The following RALGPS2 variants were observed in gnomAD, a reference collection of about 807,000 sequenced individuals.
The protein encoded by RALGPS2 is ras-specific guanine nucleotide-releasing factor RalGPS2.
Under a neutral mutation model 86.8 loss-of-function variants are expected in RALGPS2, and 43 were observed. The ratio of observed to expected loss-of-function variants is 0.50; its 90% CI spans 0.39 to 0.64. The LOEUF is 0.64. Among genes scored for constraint, RALGPS2 ranks in the 30% least tolerant of loss-of-function variants. The pLI, the probability that RALGPS2 is intolerant of heterozygous loss-of-function variation, is 0.00. For synonymous variants in RALGPS2, 243 were observed against 231.3 expected, an observed-to-expected ratio of 1.05 and a Z score of -0.46; for missense variants, 536 against 694.6, an observed-to-expected ratio of 0.77 and a Z score of 2.57.
At chr1:178,835,166 T>C (rs1558141011) in intron 8 of RALGPS2, among the ~76,000 whole-genome samples, 2 of 152,196 alleles carry the variant, frequency 1.3e-5, no homozygotes, top group African/African-American at 4.8e-5. Flanking sequence ...TTTTCAAAAA[T>C]AATACCTTCA....
At chr1:178,895,186 A>T (rs1306326290) in intron 16 of RALGPS2, among the ~76,000 whole-genome samples, 1 of 152,036 alleles carries the variant, frequency 6.6e-6, no homozygotes, top group Non-Finnish European at 1.5e-5. Flanking sequence ...TCCCTTTCTC[A>T]AATTTGAAAT....
At chr1:178,874,351 A>G (rs7554820) in intron 8 of RALGPS2, among the ~76,000 whole-genome samples, 7,963 of 152,298 alleles carry the variant, frequency 0.052, 726 homozygotes, top group African/African-American at 0.18. Context: ...AATCTTGTCT[A>G]TTTTATATTC....
chr1:178,770,276 G>A (rs373427236), intron 1 of RALGPS2, among the ~76,000 whole-genome samples: 3 of 151,224 alleles, frequency 2.0e-5, no homozygotes, highest in East Asian at 2.0e-4. Flanking sequence ...CACCCACCTC[G>A]GCCTCCCCAA....
Position 178,862,729 on chromosome 1 carries a change from G to A in RALGPS2, c.608-14769G>A, listed in dbSNP as rs148581398. 1.4e-3 allele frequency among the ~76,000 whole-genome samples: 220 copies of A among 152,066 alleles called. 2 individuals carry two copies. The East Asian group carries it at 0.027, about 19-fold the overall frequency. On this transcript the variant is annotated intron_variant, in intron 8 of 19. Coordinates refer to ENST00000367635, the MANE Select transcript of RALGPS2 (RefSeq NM_152663.5). Reference sequence around the variant, plus strand: ...GAAAATGAGTGAATTTGTTTTATTGGAACAGATGGTTTTTGTGAAGGAAAC... The same window carrying A: ...GAAAATGAGTGAATTTGTTTTATTGAAACAGATGGTTTTTGTGAAGGAAAC...
chr1:178,772,990 A>G (rs1414001407), intron 1 of RALGPS2, among the ~76,000 whole-genome samples: 1 of 152,046 alleles, frequency 6.6e-6, no homozygotes, highest in Non-Finnish European at 1.5e-5. Flanking sequence ...TTTAATGGAG[A>G]CGGGGTTTCA....
rs114730119 is a variant in RALGPS2, at chr1:178,785,839, G to A, written c.213+232G>A. Among the ~76,000 whole-genome samples, 234 of 152,168 alleles carry A rather than the reference G, an allele frequency of 1.5e-3. 2 individuals are homozygous for A. The highest frequency in any genetic ancestry group is 5.4e-3 in the African/African-American group (225 of 41,562). On this transcript the variant is annotated intron_variant, in intron 4 of 19. Transcript: ENST00000367635. The stretch of plus-strand genomic sequence containing the variant: ...CATCTGAACAAAGCGGAGGTTAGGA[G>A]CATTGACACTTGCTCAGTGAAAACT...
intron 18 of RALGPS2, among the ~76,000 whole-genome samples, chr1:178,904,686 A>C (rs114538158): frequency 0.011 from 1,673 of 152,254 alleles, 25 homozygotes; most frequent in African/African-American, 0.038. Flanking sequence ...AGAGTTCTCT[A>C]TTCTATTCCA....
rs189478573 is a variant in RALGPS2, at chr1:178,845,382, T to A, written c.607+11832T>A. On this transcript the variant is annotated intron_variant, in intron 8 of 19. Coordinates refer to ENST00000367635, the MANE Select transcript of RALGPS2 (RefSeq NM_152663.5). ...TGTTAGAAGAGAAATACTTTTCTTATAACCCTCTGTAATATAGTGTTCCTT... is the reference window on the plus strand; with the variant it reads ...TGTTAGAAGAGAAATACTTTTCTTAAAACCCTCTGTAATATAGTGTTCCTT... Among the ~76,000 whole-genome samples the A allele has an allele frequency of 3.9e-5, 6 of 152,282 alleles. No homozygotes were observed. The East Asian group carries it at 1.2e-3, about 29-fold the overall frequency.
chr1:178,858,814 T>A (rs1657763282), intron 8 of RALGPS2, among the ~76,000 whole-genome samples: 1 of 152,198 alleles, frequency 6.6e-6, no homozygotes, highest in Non-Finnish European at 1.5e-5. Context: ...GCAGCTTTAC[T>A]GGGAGCCATC....
chr1:178,759,359 G>A (rs1289662158), intron 1 of RALGPS2, among the ~76,000 whole-genome samples: 1 of 151,982 alleles, frequency 6.6e-6, no homozygotes, highest in African/African-American at 2.4e-5. Flanking sequence ...AATGTTCTTG[G>A]CACCTTTGTT....
chr1:178,823,208 C>T (rs1438715340), intron 7 of RALGPS2, among the ~76,000 whole-genome samples: 1 of 152,122 alleles, frequency 6.6e-6, no homozygotes, highest in Non-Finnish European at 1.5e-5. Context: ...TTTTCATTGC[C>T]TCCCTTATGT....
intron 7 of RALGPS2, among the ~76,000 whole-genome samples, chr1:178,822,452 C>A (rs1655551326): frequency 6.6e-6 from 1 of 152,016 alleles, no homozygotes; most frequent in Non-Finnish European, 1.5e-5. Flanking sequence ...TACAAAGGAT[C>A]AATGTGTTTT....
chr1:178,918,337 T>C lies in RALGPS2; in HGVS notation c.*1978T>C, dbSNP rs1660877264. The C allele has an allele frequency of 6.6e-6, 1 of 152,184 alleles. No individual in the cohort carries two copies. The highest frequency in any genetic ancestry group is 6.5e-5 in the Admixed American group (1 of 15,278). 9.4% of individuals were successfully genotyped at this position (152,184 alleles called of 1,614,324 possible). On this transcript the variant is annotated 3_prime_UTR_variant, in exon 20 of 20. Coordinates refer to ENST00000367635, the MANE Select transcript of RALGPS2 (RefSeq NM_152663.5). The stretch of plus-strand genomic sequence containing the variant: ...TGTTTATTTCTCTTCAGAAATAGCG[T>C]TTTTAACAGTGTATGTGCTTTTTTA...
At chr1:178,827,609 A>T (rs1036142863) in intron 7 of RALGPS2, among the ~76,000 whole-genome samples, 1 of 151,708 alleles carries the variant, frequency 6.6e-6, no homozygotes, top group African/African-American at 2.4e-5. Flanking sequence ...TTTAGCCGGG[A>T]TGGTCTCGAT....
At chr1:178,851,895 G>A (rs1387058719) in intron 8 of RALGPS2, among the ~76,000 whole-genome samples, 1 of 152,124 alleles carries the variant, frequency 6.6e-6, no homozygotes, top group African/African-American at 2.4e-5. Flanking sequence ...TGGGTGGAGG[G>A]GAGGAGGGGA....
intron 8 of RALGPS2, among the ~76,000 whole-genome samples, chr1:178,844,063 G>A (rs543945110): frequency 6.6e-6 from 1 of 152,250 alleles, no homozygotes; most frequent in East Asian, 1.9e-4. Context: ...AAAAACTTCA[G>A]CATTTATAAA....
chr1:178,770,785 A>T (rs1242956108), intron 1 of RALGPS2, among the ~76,000 whole-genome samples: 1 of 142,248 alleles, frequency 7.0e-6, no homozygotes, highest in Non-Finnish European at 1.5e-5. Context: ...CCACCCTTTT[A>T]CCTCTTAGTA....
intron 1 of RALGPS2, among the ~76,000 whole-genome samples, chr1:178,727,267 T>G (rs1278233832): frequency 6.6e-6 from 1 of 152,196 alleles, no homozygotes; most frequent in Non-Finnish European, 1.5e-5. Flanking sequence ...TTCTCCTTAT[T>G]TGGCTCAGGC....
chr1:178,913,091 G>A lies in RALGPS2; in HGVS notation c.1723-3239G>A, dbSNP rs778208977. ...GAGGTCAGGAGTTCGGGACCAGCCC[G>A]GCCAACATGGTGAAACCCCGTCTCT... On this transcript the variant is annotated intron_variant, in intron 19 of 19. Transcript: ENST00000367635. 1.6e-4 allele frequency among the ~76,000 whole-genome samples: 24 copies of A among 152,110 alleles called. 1 individual carries two copies. Among genetic ancestry groups the A allele is most frequent in the Non-Finnish European group, 2.9e-4 (20 of 67,990 alleles).
Sources: gnomAD v4.1 joint callset for allele counts (sites outside exome capture counted in the v4.1 genomes callset) on GRCh38, gnomAD v4.1.1 for gene constraint, MANE v1.5 for transcripts, NCBI Gene and HGNC (gene_info 2026-07-23, HGNC 2026-07-21) for gene names.